The following KIRREL3 variants were observed in gnomAD, a reference collection of about 807,000 sequenced individuals.
KIRREL3 encodes the protein kin of IRRE-like protein 3.
Under a neutral mutation model 89.7 loss-of-function variants are expected in KIRREL3, and 36 were observed. That is an observed-to-expected ratio of 0.40 (90% CI 0.31 to 0.53). The LOEUF is 0.53. Ranked by LOEUF, KIRREL3 falls within the 20% of genes least tolerant of loss-of-function variation. The pLI is 0.49. For missense variants in KIRREL3, 864 were observed against 1,056.6 expected (o/e 0.82, Z 2.53); for synonymous variants, 445 against 441.4 (o/e 1.01, Z -0.10).
rs1195508949 is a variant in KIRREL3 at position 126,516,139 on chromosome 11, CCT to C, written c.433+5174_433+5175del. 1.6e-4 allele frequency among the ~76,000 whole-genome samples: 25 copies of C among 152,272 alleles called. No homozygotes were observed. Among genetic ancestry groups the C allele is most frequent in the African/African-American group, 5.8e-4 (24 of 41,554 alleles). On this transcript the variant is annotated intron_variant, in intron 4 of 16. Coordinates refer to ENST00000525144, the MANE Select transcript of KIRREL3 (RefSeq NM_032531.4). This position sits in a 1 kb window ranked among gnomAD's most constrained non-coding sequence, Gnocchi z 4.9. The stretch of plus-strand genomic sequence containing the variant: ...TCACAGATTGGACCTTATCTGTTTT[CCT>C]CTCTCAGTATTTGGGGCTTGACATC...
Position 126,605,799 on chromosome 11 carries a change from G to A in KIRREL3, c.56-42887C>T, listed in dbSNP as rs139295796. Among the ~76,000 whole-genome samples the A allele has an allele frequency of 6.4e-4, 98 of 152,340 alleles. 1 individual carries two copies. The highest frequency in any genetic ancestry group is 2.3e-3 in the African/African-American group (94 of 41,580). ...ATATGGGTAGAGAGTGAGGTCTGGA[G>A]GGCATGGGACATGGTCCCTCTTGGG... is the stretch of plus-strand genomic sequence containing the variant. On this transcript the variant is annotated intron_variant, in intron 1 of 16. Transcript: ENST00000525144. This position sits in a 1 kb window ranked among gnomAD's most constrained non-coding sequence, Gnocchi z 5.7.
rs1215209663 is a variant in KIRREL3 at position 126,526,051 on chromosome 11, C to T, written c.283+487G>A. Among the ~76,000 whole-genome samples the T allele has an allele frequency of 6.6e-6, 1 of 152,152 alleles. No homozygotes were observed. Among genetic ancestry groups the T allele is most frequent in the East Asian group, 1.9e-4 (1 of 5,192 alleles). ...TTTTAATACTTCCTGTCTTTTCTTCCCATCTCATGATGGCTCCTAAGATCA... is the reference window on the plus strand; with the variant it reads ...TTTTAATACTTCCTGTCTTTTCTTCTCATCTCATGATGGCTCCTAAGATCA... On this transcript the variant is annotated intron_variant, in intron 3 of 16. Transcript: ENST00000525144. This position sits in a 1 kb window ranked among gnomAD's most constrained non-coding sequence, Gnocchi z 5.7.
chr11:126,833,125 A>C lies in KIRREL3; in HGVS notation c.55+167330T>G, dbSNP rs538778349. Among the ~76,000 whole-genome samples the C allele has an allele frequency of 3.8e-4, 58 of 152,302 alleles. 1 individual carries two copies. The South Asian group carries it at 5.8e-3, about 15-fold the overall frequency. The stretch of plus-strand genomic sequence containing the variant: ...CTGGTCTCCTAGATGCTTGTCTCCA[A>C]CTATTTCAAACAGAAGTGATTTGTT... On this transcript the variant is annotated intron_variant, in intron 1 of 16. Transcript: ENST00000525144.
In KIRREL3 at chr11:126,681,784, G is replaced by T. The variant is rs557365073; in HGVS notation, c.56-118872C>A. ...CACTCCCATTCTCTTCTGTTTCAGG[G>T]TTCTATGAGGCTGAAAATATTGGAT... On this transcript the variant is annotated intron_variant, in intron 1 of 16. Coordinates refer to ENST00000525144, the MANE Select transcript of KIRREL3 (RefSeq NM_032531.4). 1.2e-5 allele frequency: 5 copies of T among 416,420 alleles called. No homozygotes were observed. In the Admixed American group the frequency reaches 1.4e-4, roughly 12 times the overall value. The allele number at this position is 416,420 out of a possible 1,614,324, so 25.8% of individuals were successfully genotyped here.
At position 126,571,807 on chromosome 11, in the gene KIRREL3, A is replaced by C. The variant is rs1940950367; in HGVS notation, c.56-8895T>G. ...AATGTTGGTTAAAGAATTTTACGGG[A>C]AACAGTTTTATCCCATGTGCAAGGA... On this transcript the variant is annotated intron_variant, in intron 1 of 16. Coordinates refer to ENST00000525144, the MANE Select transcript of KIRREL3 (RefSeq NM_032531.4). The surrounding 1 kb of genome is among the most constrained non-coding windows in gnomAD (Gnocchi z 7.7). Among the ~76,000 whole-genome samples, 7 of 152,152 alleles carry C rather than the reference A, an allele frequency of 4.6e-5. 1 individual carries two copies. In the South Asian group the frequency reaches 1.4e-3, roughly 32 times the overall value.
Position 126,685,979 on chromosome 11 carries a change from G to C in KIRREL3, c.56-123067C>G, listed in dbSNP as rs1339165760. Among the ~76,000 whole-genome samples the C allele has an allele frequency of 6.6e-6, 1 of 152,222 alleles. No homozygotes were observed. Among genetic ancestry groups the C allele is most frequent in the African/African-American group, 2.4e-5 (1 of 41,460 alleles). On this transcript the variant is annotated intron_variant, in intron 1 of 16. Transcript: ENST00000525144. This position sits in a 1 kb window ranked among gnomAD's most constrained non-coding sequence, Gnocchi z 5.5. ...CTTTGCTCCACCCGGCTCTGCCTCT[G>C]TTCCCTTCACCTGCTTCTTCTCAGG...
At chr11:126,762,876 C>G (rs562298810) in intron 1 of KIRREL3, among the ~76,000 whole-genome samples, 4 of 152,232 alleles carry the variant, frequency 2.6e-5, no homozygotes, top group African/African-American at 9.6e-5. Flanking sequence ...TCGAGCAAAA[C>G]TCTATTGAAT....
At chr11:126,921,556 TCTA>T (rs1947293782) in intron 1 of KIRREL3, among the ~76,000 whole-genome samples, 1 of 69,040 alleles carries the variant, frequency 1.4e-5, no homozygotes, top group African/African-American at 4.1e-5. Flanking sequence ...TCTATCTATA[TCTA>T]TCAATCTATC....
Position 126,565,889 on chromosome 11 carries a change from A to T in KIRREL3, c.56-2977T>A, listed in dbSNP as rs1286421127. Among the ~76,000 whole-genome samples, 1 of 152,056 alleles carries T rather than the reference A, an allele frequency of 6.6e-6. No individual in the cohort carries two copies. The highest frequency in any genetic ancestry group is 1.5e-5 in the Non-Finnish European group (1 of 68,008). ...GAGACTCTACCAAGCCAAACTAACT[A>T]GGTTATTAGGAGAGAGATGATAGAA... On this transcript the variant is annotated intron_variant, in intron 1 of 16. Coordinates refer to ENST00000525144, the MANE Select transcript of KIRREL3 (RefSeq NM_032531.4). This position sits in a 1 kb window ranked among gnomAD's most constrained non-coding sequence, Gnocchi z 5.4.
At chr11:126,956,937 T>C (rs1948938895) in intron 1 of KIRREL3, among the ~76,000 whole-genome samples, 1 of 152,232 alleles carries the variant, frequency 6.6e-6, no homozygotes, top group South Asian at 2.1e-4. Flanking sequence ...GGCCCTGTTT[T>C]AATTTGCACT....
intron 1 of KIRREL3, among the ~76,000 whole-genome samples, chr11:126,888,033 A>G (rs1025774500): frequency 2.0e-5 from 3 of 152,226 alleles, no homozygotes; most frequent in Non-Finnish European, 2.9e-5. Context: ...ACAGGAATCA[A>G]TAGGACCTAT....
At position 126,561,158 on chromosome 11, in the gene KIRREL3, C is replaced by T. The variant is rs554146724; in HGVS notation, c.133+1677G>A. ...GAAGAGGAGCTTCCTCCCTCCAGAG[C>T]CCTCCCTCTCCTTCACCTCTGCCTT... On this transcript the variant is annotated intron_variant, in intron 2 of 16. Coordinates refer to ENST00000525144, the MANE Select transcript of KIRREL3 (RefSeq NM_032531.4). This position sits in a 1 kb window ranked among gnomAD's most constrained non-coding sequence, Gnocchi z 4.5. Among the ~76,000 whole-genome samples the T allele has an allele frequency of 1.3e-5, 2 of 152,240 alleles. No individual in the cohort carries two copies. Among genetic ancestry groups the T allele is most frequent in the East Asian group, 3.9e-4 (2 of 5,176 alleles).
rs890357236 is a variant in KIRREL3, at chr11:126,664,077, A to T, written c.56-101165T>A. Among the ~76,000 whole-genome samples the T allele has an allele frequency of 6.6e-6, 1 of 152,236 alleles. No individual in the cohort carries two copies. The highest frequency in any genetic ancestry group is 1.5e-5 in the Non-Finnish European group (1 of 68,034). On this transcript the variant is annotated intron_variant, in intron 1 of 16. Coordinates refer to ENST00000525144, the MANE Select transcript of KIRREL3 (RefSeq NM_032531.4). This position sits in a 1 kb window ranked among gnomAD's most constrained non-coding sequence, Gnocchi z 5.4. ...ACTCTGCATGTTGTGGGAATTCTGC[A>T]TGGCAACCTAATAGAGGCTTAGCTT...
chr11:126,664,557 G>C lies in KIRREL3; in HGVS notation c.56-101645C>G, dbSNP rs957646129. On this transcript the variant is annotated intron_variant, in intron 1 of 16. Transcript: ENST00000525144. The surrounding 1 kb of genome is among the most constrained non-coding windows in gnomAD (Gnocchi z 5.4). ...AACTGGGGATACTGAAAGGGATGAA[G>C]AAGTTCGGCCTCACCTCTTGAGGAT... is the stretch of plus-strand genomic sequence containing the variant. Among the ~76,000 whole-genome samples the C allele has an allele frequency of 2.6e-5, 4 of 152,210 alleles. No individual in the cohort carries two copies. In the South Asian group the frequency reaches 8.3e-4, roughly 32 times the overall value.
chr11:126,478,600 T>C (rs1393962592), intron 4 of KIRREL3, among the ~76,000 whole-genome samples: 2 of 145,156 alleles, frequency 1.4e-5, no homozygotes, highest in Non-Finnish European at 3.0e-5. Flanking sequence ...TGTGTATATG[T>C]ATATGCATGT....
At chr11:126,784,998 G>A (rs1565729133) in intron 1 of KIRREL3, among the ~76,000 whole-genome samples, 1 of 152,196 alleles carries the variant, frequency 6.6e-6, no homozygotes, top group Non-Finnish European at 1.5e-5. Flanking sequence ...CTACCTGTGT[G>A]GAGGTAGAAA....
In KIRREL3 at chr11:126,516,468, G is replaced by T. The variant is rs145450774; in HGVS notation, c.433+4847C>A. Among the ~76,000 whole-genome samples the T allele has an allele frequency of 2.6e-5, 4 of 152,066 alleles. No homozygotes were observed. Among genetic ancestry groups the T allele is most frequent in the African/African-American group, 9.7e-5 (4 of 41,392 alleles). On this transcript the variant is annotated intron_variant, in intron 4 of 16. Transcript: ENST00000525144. The surrounding 1 kb of genome is among the most constrained non-coding windows in gnomAD (Gnocchi z 4.9). The stretch of plus-strand genomic sequence containing the variant: ...AGCAATGCAATTTATGGTTTAATCC[G>T]TGCATCACTTATCGACCGCCTTCTC...
At chr11:126,717,198 C>T (rs1231876769) in intron 1 of KIRREL3, among the ~76,000 whole-genome samples, 1 of 152,190 alleles carries the variant, frequency 6.6e-6, no homozygotes, top group East Asian at 1.9e-4. Flanking sequence ...CTGTTGAACC[C>T]ACTGGCATCC....
At position 126,443,123 on chromosome 11, in the gene KIRREL3, T is replaced by C. The variant is rs1311517319; in HGVS notation, c.1252+1856A>G. The stretch of plus-strand genomic sequence containing the variant: ...TGACAGCAGATGTCAGCTCCTCCTT[T>C]ATCCACCTGCTTTTCCCCAGAAACG... On this transcript the variant is annotated intron_variant, in intron 10 of 16. Transcript: ENST00000525144. This position sits in a 1 kb window ranked among gnomAD's most constrained non-coding sequence, Gnocchi z 7.3. Among the ~76,000 whole-genome samples, 1 of 152,222 alleles carries C rather than the reference T, an allele frequency of 6.6e-6. No individual in the cohort carries two copies. The highest frequency in any genetic ancestry group is 1.5e-5 in the Non-Finnish European group (1 of 68,034).
Sources: gnomAD v4.1 joint callset for allele counts (sites outside exome capture counted in the v4.1 genomes callset) on GRCh38, gnomAD v4.1.1 for gene constraint, Gnocchi (gnomAD v3.1) non-coding constraint, MANE v1.5 for transcripts, NCBI Gene and HGNC (gene_info 2026-07-23, HGNC 2026-07-21) for gene names.